The following SLCO3A1 variants were observed in gnomAD, a reference collection of about 807,000 sequenced individuals.
The protein encoded by SLCO3A1 is PGE1 transporter.
Under a neutral mutation model 63.1 loss-of-function variants are expected in SLCO3A1, and 27 were observed. That is an observed-to-expected ratio of 0.43 (90% confidence interval 0.32 to 0.59). The LOEUF is 0.59. SLCO3A1 is among the 20% of genes least tolerant of loss of function. The probability of loss-of-function intolerance (pLI) is 0.09; values close to 1 mark genes in which losing one functional copy is unlikely to be tolerated. For synonymous variants in SLCO3A1, 473 were observed against 409.9 expected (o/e 1.15, Z -1.86); for missense variants, 773 against 945.8 (o/e 0.82, Z 2.40).
intron 7 of SLCO3A1, among the ~76,000 whole-genome samples, chr15:92,134,919 G>T (rs904460638): frequency 6.6e-6 from 1 of 151,962 alleles, no homozygotes; most frequent in Non-Finnish European, 1.5e-5. Context: ...CATGTTCTCC[G>T]CTGGGGGATG....
chr15:91,883,904 A>G lies in SLCO3A1; in HGVS notation c.180+29816A>G, dbSNP rs1235238101. On this transcript the variant is annotated intron_variant, in intron 1 of 9. Transcript: ENST00000318445. The surrounding 1 kb of genome is among the most constrained non-coding windows in gnomAD (Gnocchi z 4.8). ...TTCATCCTCACACTGAGATGCTTGC[A>G]GAAACATCTCACAAAGCAGGCAACT... is the stretch of plus-strand genomic sequence containing the variant. Among the ~76,000 whole-genome samples, 1 of 152,202 alleles carries G rather than the reference A, an allele frequency of 6.6e-6. No homozygotes were observed. The highest frequency in any genetic ancestry group is 6.5e-5 in the Admixed American group (1 of 15,288).
At chr15:91,909,841 G>A (rs955161881) in intron 1 of SLCO3A1, among the ~76,000 whole-genome samples, 15 of 152,172 alleles carry the variant, frequency 9.9e-5, no homozygotes, top group African/African-American at 3.4e-4. Flanking sequence ...GGATCTCTAA[G>A]GTGGCTCTGC....
At chr15:92,146,882 C>T (rs1188998442) in intron 7 of SLCO3A1, 102 bp from the exon 8 acceptor site, 1 of 1,088,812 alleles carries the variant, frequency 9.2e-7, no homozygotes, top group Non-Finnish European at 1.3e-6. Context: ...TGGAATGCCA[C>T]AGAATGTGTA....
At chr15:92,010,344 C>T (rs752202713) in intron 2 of SLCO3A1, among the ~76,000 whole-genome samples, 1 of 152,134 alleles carries the variant, frequency 6.6e-6, no homozygotes, top group African/African-American at 2.4e-5. Flanking sequence ...TGGTGATGCA[C>T]GTTAACATAT....
Position 92,131,154 on chromosome 15 carries a change from G to A in SLCO3A1, c.1512+2665G>A, listed in dbSNP as rs537132418. Among the ~76,000 whole-genome samples the A allele has an allele frequency of 2.1e-4, 32 of 152,246 alleles. No homozygotes were observed. The South Asian group carries it at 6.2e-3, about 30-fold the overall frequency. Reference sequence around the variant, plus strand: ...CAAGGCCATGCAATAGGAAGTGGGGGATCTGGCTTTTGAATGTAGGGTCTG... The same window carrying A: ...CAAGGCCATGCAATAGGAAGTGGGGAATCTGGCTTTTGAATGTAGGGTCTG... On this transcript the variant is annotated intron_variant, in intron 7 of 9. Coordinates refer to ENST00000318445, the MANE Select transcript of SLCO3A1 (RefSeq NM_013272.4).
chr15:92,039,077 C>G (rs1280719815), intron 2 of SLCO3A1, among the ~76,000 whole-genome samples: 2 of 150,594 alleles, frequency 1.3e-5, no homozygotes, highest in Admixed American at 1.3e-4. Flanking sequence ...ACCCCGTCCT[C>G]CTCAAGATGG....
chr15:92,145,137 G>T (rs1364226797), intron 7 of SLCO3A1, among the ~76,000 whole-genome samples: 3 of 152,166 alleles, frequency 2.0e-5, no homozygotes, highest in Non-Finnish European at 4.4e-5. Flanking sequence ...AAAATGCATG[G>T]TGGGCCTGGG....
rs1470405689 is a variant in SLCO3A1 at position 91,912,939 on chromosome 15, G to C, written c.181-3054G>C. On this transcript the variant is annotated intron_variant, in intron 1 of 9. Transcript: ENST00000318445. This position sits in a 1 kb window ranked among gnomAD's most constrained non-coding sequence, Gnocchi z 5.0. ...CTGCCTTCCTTTTTGTTGCCACATT[G>C]CATCACCTATTATAAACCTCTGGTA... 6.6e-6 allele frequency among the ~76,000 whole-genome samples: 1 copy of C among 152,114 alleles called. No individual in the cohort carries two copies. Among genetic ancestry groups the C allele is most frequent in the Non-Finnish European group, 1.5e-5 (1 of 68,022 alleles).
chr15:92,096,274 C>T (rs951277590), intron 3 of SLCO3A1, among the ~76,000 whole-genome samples: 4 of 152,164 alleles, frequency 2.6e-5, no homozygotes, highest in African/African-American at 9.7e-5. Flanking sequence ...GAGAGAGCAC[C>T]TGAGGCAGGA....
At chr15:92,006,508 G>GT (rs1194156404) in intron 2 of SLCO3A1, among the ~76,000 whole-genome samples, 1 of 152,150 alleles carries the variant, frequency 6.6e-6, no homozygotes, top group Non-Finnish European at 1.5e-5. Flanking sequence ...CAAATAATGA[G>GT]TGCTGGGGTT....
At position 92,019,930 on chromosome 15, in the gene SLCO3A1, G is replaced by C. The variant is rs143458375; in HGVS notation, c.647-74951G>C. Among the ~76,000 whole-genome samples, 413 of 152,242 alleles carry C rather than the reference G, an allele frequency of 2.7e-3. 3 individuals are homozygous for C. The highest frequency in any genetic ancestry group is 9.2e-3 in the African/African-American group (381 of 41,542). On this transcript the variant is annotated intron_variant, in intron 2 of 9. Coordinates refer to ENST00000318445, the MANE Select transcript of SLCO3A1 (RefSeq NM_013272.4). The stretch of plus-strand genomic sequence containing the variant: ...AGAAGGGAGTCAGAGTGGCCTTCAT[G>C]TCAGGGCAGTGAGGACTGTATCAAA...
intron 2 of SLCO3A1, among the ~76,000 whole-genome samples, chr15:91,937,393 C>A (rs138272930): frequency 6.6e-6 from 1 of 152,240 alleles, no homozygotes; most frequent in East Asian, 1.9e-4. Context: ...GGGAGGCAGC[C>A]AGGTGCAAGG....
intron 2 of SLCO3A1, among the ~76,000 whole-genome samples, chr15:92,015,496 GC>G (rs1474179342): frequency 6.6e-6 from 1 of 152,026 alleles, no homozygotes; most frequent in Admixed American, 6.6e-5. Context: ...GGGGGAAACC[GC>G]CCCCATGATC....
chr15:91,976,054 A>C (rs1901096525), intron 2 of SLCO3A1, among the ~76,000 whole-genome samples: 1 of 152,172 alleles, frequency 6.6e-6, no homozygotes, highest in Non-Finnish European at 1.5e-5. Flanking sequence ...TTAATGTTAG[A>C]TACTCTGCAA....
rs1484832282 is a variant in SLCO3A1, at chr15:91,875,207, A to G, written c.180+21119A>G. On this transcript the variant is annotated intron_variant, in intron 1 of 9. Coordinates refer to ENST00000318445, the MANE Select transcript of SLCO3A1 (RefSeq NM_013272.4). This position sits in a 1 kb window ranked among gnomAD's most constrained non-coding sequence, Gnocchi z 4.5. ...AGCATCCGCTGTGTGTACCTGACAC[A>G]TGTCATCTCATTTAGTCCTTTAGGG... Among the ~76,000 whole-genome samples, 1 of 152,122 alleles carries G rather than the reference A, an allele frequency of 6.6e-6. No homozygotes were observed. The highest frequency in any genetic ancestry group is 2.4e-5 in the African/African-American group (1 of 41,416).
At chr15:91,861,022 T>G (rs1897035469) in intron 1 of SLCO3A1, among the ~76,000 whole-genome samples, 1 of 152,176 alleles carries the variant, frequency 6.6e-6, no homozygotes, top group South Asian at 2.1e-4. Flanking sequence ...CCGCCCCCAG[T>G]CTGGTCACAC....
intron 7 of SLCO3A1, among the ~76,000 whole-genome samples, chr15:92,134,238 C>T (rs938792128): frequency 2.6e-5 from 4 of 152,232 alleles, no homozygotes; most frequent in African/African-American, 9.6e-5. Context: ...CTCATATAGC[C>T]TGGCCCTGTC....
At chr15:91,996,129 C>T (rs1392738289) in intron 2 of SLCO3A1, among the ~76,000 whole-genome samples, 1 of 152,068 alleles carries the variant, frequency 6.6e-6, no homozygotes, top group Non-Finnish European at 1.5e-5. Context: ...AATTTTAAAA[C>T]TATCAGTATT....
chr15:92,122,464 A>G (rs1357315078), intron 5 of SLCO3A1, among the ~76,000 whole-genome samples: 2 of 152,354 alleles, frequency 1.3e-5, no homozygotes, highest in African/African-American at 4.8e-5. Context: ...TGGAACCACA[A>G]TGAGGTGCTG....
Sources: gnomAD v4.1 joint callset for allele counts (sites outside exome capture counted in the v4.1 genomes callset) on GRCh38, gnomAD v4.1.1 for gene constraint, Gnocchi (gnomAD v3.1) non-coding constraint, MANE v1.5 for transcripts, NCBI Gene and HGNC (gene_info 2026-07-23, HGNC 2026-07-21) for gene names.